Variants in SLC35F3 observed in about 807,000 individuals in gnomAD.
SLC35F3 encodes the protein solute carrier family 35 member F3, also known as putative thiamine transporter SLC35F3.
A neutral mutation model predicts 49.9 loss-of-function variants in SLC35F3; 25 were observed. The ratio of observed to expected loss-of-function variants is 0.50; its 90% CI spans 0.37 to 0.70. SLC35F3 has a LOEUF of 0.70. Ranked by LOEUF, SLC35F3 falls within the 30% of genes least tolerant of loss-of-function variation. The pLI is 0.00. For missense variants in SLC35F3, 525 were observed against 639.8 expected, an observed-to-expected ratio of 0.82 and a Z score of 1.94; for synonymous variants, 275 against 265.4, an observed-to-expected ratio of 1.04 and a Z score of -0.35.
chr1:234,049,642 GT>G (rs1300398971), intron 2 of SLC35F3, among the ~76,000 whole-genome samples: 9 of 151,948 alleles, frequency 5.9e-5, no homozygotes, highest in Admixed American at 3.3e-4. Context: ...TTGTTTGTTT[GT>G]TTGTTTTATT....
At chr1:234,286,982 CA>C (rs1668431452) in intron 3 of SLC35F3, among the ~76,000 whole-genome samples, 1 of 152,138 alleles carries the variant, frequency 6.6e-6, no homozygotes, top group African/African-American at 2.4e-5. Context: ...TCAGCTTGGG[CA>C]ACATAGCAGG....
At chr1:234,104,053 G>A (rs563626451) in intron 2 of SLC35F3, among the ~76,000 whole-genome samples, 1 of 152,316 alleles carries the variant, frequency 6.6e-6, no homozygotes, top group Admixed American at 6.5e-5. Context: ...GTTTTTGTTA[G>A]TCATTGAGAT....
intron 2 of SLC35F3, among the ~76,000 whole-genome samples, chr1:234,024,126 G>A (rs945738010): frequency 1.3e-5 from 2 of 152,070 alleles, no homozygotes; most frequent in South Asian, 4.1e-4. Flanking sequence ...CTTCACAGTT[G>A]GGGGAAACTA....
At chr1:234,051,362 C>T (rs1256487232) in intron 2 of SLC35F3, among the ~76,000 whole-genome samples, 1 of 152,054 alleles carries the variant, frequency 6.6e-6, no homozygotes, top group Admixed American at 6.6e-5. Context: ...CACATCCCTT[C>T]TAAGTTGGAT....
chr1:234,026,430 G>C (rs1663979967), intron 2 of SLC35F3, among the ~76,000 whole-genome samples: 1 of 152,204 alleles, frequency 6.6e-6, no homozygotes, highest in African/African-American at 2.4e-5. Flanking sequence ...GAAAGTGTCT[G>C]CATTTCCTAA....
At chr1:234,108,001 T>C (rs574311276) in intron 2 of SLC35F3, among the ~76,000 whole-genome samples, 8 of 151,636 alleles carry the variant, frequency 5.3e-5, no homozygotes, top group African/African-American at 1.7e-4. Context: ...TCTTTATTTG[T>C]CTTCCAAGTA....
chr1:234,308,968 T>G (rs895287727), intron 3 of SLC35F3, 133 bp from the exon 4 acceptor site: 13 of 652,376 alleles, frequency 2.0e-5, no homozygotes, highest in African/African-American at 3.7e-5. Context: ...GAAAGATGTT[T>G]ATTAAAAATA....
intron 2 of SLC35F3, among the ~76,000 whole-genome samples, chr1:234,158,920 AT>A (rs1212620462): frequency 6.6e-6 from 1 of 152,132 alleles, no homozygotes; most frequent in South Asian, 2.1e-4. Context: ...AACAAAGGAG[AT>A]TTTTCCCCAT....
intron 2 of SLC35F3, among the ~76,000 whole-genome samples, chr1:234,119,405 T>C (rs1210718159): frequency 6.6e-6 from 1 of 151,994 alleles, no homozygotes; most frequent in African/African-American, 2.4e-5. Flanking sequence ...GAAAAATCTG[T>C]CTCGTGGCAA....
At chr1:234,057,577 A>G (rs1487470570) in intron 2 of SLC35F3, among the ~76,000 whole-genome samples, 1 of 152,214 alleles carries the variant, frequency 6.6e-6, no homozygotes, top group East Asian at 1.9e-4. Flanking sequence ...ATGATTATGT[A>G]TCTGTGAATA....
intron 2 of SLC35F3, among the ~76,000 whole-genome samples, chr1:233,925,820 C>A (rs974338521): frequency 3.3e-5 from 5 of 152,194 alleles, no homozygotes; most frequent in Admixed American, 2.6e-4. Context: ...TCTTGTAAGG[C>A]AGGCCTGGTG....
chr1:233,960,369 G>A (rs549424835), intron 2 of SLC35F3, among the ~76,000 whole-genome samples: 22 of 152,170 alleles, frequency 1.4e-4, no homozygotes, highest in African/African-American at 4.6e-4. Context: ...CTTTTTCTCC[G>A]TTATCCTCCA....
chr1:234,239,359 A>G (rs745848725), intron 3 of SLC35F3, among the ~76,000 whole-genome samples: 38 of 152,166 alleles, frequency 2.5e-4, no homozygotes, highest in Non-Finnish European at 1.9e-4. Flanking sequence ...GCACCACCCC[A>G]TCCTATCCCA....
chr1:233,948,799 G>A (rs1320109313), intron 2 of SLC35F3, among the ~76,000 whole-genome samples: 1 of 149,378 alleles, frequency 6.7e-6, no homozygotes, highest in African/African-American at 2.5e-5. Context: ...ACCTATGAGT[G>A]AGAATATGCG....
chr1:234,025,511 T>A (rs1002696236), intron 2 of SLC35F3, among the ~76,000 whole-genome samples: 1 of 152,244 alleles, frequency 6.6e-6, no homozygotes, highest in Admixed American at 6.5e-5. Flanking sequence ...TAAAACCCAT[T>A]CTGACTGGTT....
intron 2 of SLC35F3, among the ~76,000 whole-genome samples, chr1:233,940,351 G>GACAC (rs1169931370): frequency 3.0e-5 from 4 of 131,746 alleles, no homozygotes; most frequent in African/African-American, 8.7e-5. Context: ...AAGGGATACA[G>GACAC]ACACACACAC....
intron 2 of SLC35F3, among the ~76,000 whole-genome samples, chr1:234,201,345 T>C (rs767770194): frequency 2.0e-5 from 3 of 152,244 alleles, no homozygotes; most frequent in African/African-American, 7.2e-5. Flanking sequence ...CAAGTTAAGC[T>C]GACATATTTG....
chr1:234,279,977 A>C (rs1258428940), intron 3 of SLC35F3, among the ~76,000 whole-genome samples: 1 of 152,204 alleles, frequency 6.6e-6, no homozygotes, highest in African/African-American at 2.4e-5. Flanking sequence ...ACAAATGATC[A>C]CACTTGGCAA....
intron 2 of SLC35F3, among the ~76,000 whole-genome samples, chr1:234,130,897 C>T (rs1468620885): frequency 2.6e-5 from 4 of 151,704 alleles, no homozygotes; most frequent in Non-Finnish European, 4.4e-5. Flanking sequence ...ATAGTTAAAA[C>T]GTGGAAGCAA....
Sources: gnomAD v4.1 joint callset for allele counts (sites outside exome capture counted in the v4.1 genomes callset) on GRCh38, gnomAD v4.1.1 for gene constraint, MANE v1.5 for transcripts, NCBI Gene and HGNC (gene_info 2026-07-23, HGNC 2026-07-21) for gene names.